BNC2: variants seen among roughly 807,000 people sequenced by gnomAD.
BNC2 encodes the protein basonuclin zinc finger protein 2.
BNC2 carries 20 observed loss-of-function variants against 76.3 expected under a neutral mutation model. That is an observed-to-expected ratio of 0.26 (90% CI 0.18 to 0.38). BNC2 has a LOEUF of 0.38. BNC2 is among the 10% of genes least tolerant of loss of function. The pLI is 1.00. For missense variants in BNC2, 1,382 were observed against 1,399.8 expected (o/e 0.99, Z 0.20); for synonymous variants, 582 against 514.8 (o/e 1.13, Z -1.77).
intron 3 of BNC2, among the ~76,000 whole-genome samples, chr9:16,665,488 A>AAGAG (rs754680621): frequency 1.7e-3 from 224 of 135,604 alleles, no homozygotes; most frequent in African/African-American, 4.1e-3. Flanking sequence ...GAAAGAAAGA[A>AAGAG]AGAGAGAGAG....
intron 1 of BNC2, among the ~76,000 whole-genome samples, chr9:16,741,712 C>T (rs1175442570): frequency 1.3e-5 from 2 of 152,148 alleles, no homozygotes; most frequent in South Asian, 2.1e-4. Context: ...AATCCCAACA[C>T]TTTGGGAGGA....
At chr9:16,525,807 T>G (rs538929418) in intron 5 of BNC2, among the ~76,000 whole-genome samples, 1 of 152,202 alleles carries the variant, frequency 6.6e-6, no homozygotes, top group Admixed American at 6.5e-5. Context: ...GAAAGATATG[T>G]TGTGTTTTAC....
chr9:16,506,209 A>G (rs1370313063), intron 5 of BNC2, among the ~76,000 whole-genome samples: 1 of 152,202 alleles, frequency 6.6e-6, no homozygotes, highest in Non-Finnish European at 1.5e-5. Flanking sequence ...CAAACTTTTT[A>G]CAGGCATAAC....
At chr9:16,468,307 A>T (rs7862481) in intron 5 of BNC2, among the ~76,000 whole-genome samples, 78,160 of 151,966 alleles carry the variant, frequency 0.51, 22,125 homozygotes, top group African/African-American at 0.75. Context: ...TCGCTACTAG[A>T]GTTACAATAA....
At chr9:16,499,899 C>G (rs980565895) in intron 5 of BNC2, among the ~76,000 whole-genome samples, 1 of 152,026 alleles carries the variant, frequency 6.6e-6, no homozygotes, top group Admixed American at 6.6e-5. Flanking sequence ...AATCTTCATT[C>G]TAACTACTCA....
intron 1 of BNC2, among the ~76,000 whole-genome samples, chr9:16,811,521 C>T (rs998327958): frequency 1.2e-4 from 16 of 131,370 alleles, no homozygotes; most frequent in African/African-American, 4.6e-4. Flanking sequence ...CATTGCACTC[C>T]AGCCTGGGCA....
chr9:16,833,701 C>T (rs1818636172), intron 1 of BNC2, among the ~76,000 whole-genome samples: 1 of 152,138 alleles, frequency 6.6e-6, no homozygotes, highest in Admixed American at 6.5e-5. Context: ...TCCCTGACTC[C>T]AGAAGGAAGA....
chr9:16,638,089 T>C (rs955227595), intron 3 of BNC2, among the ~76,000 whole-genome samples: 3 of 152,182 alleles, frequency 2.0e-5, no homozygotes, highest in Admixed American at 6.5e-5. Flanking sequence ...CAAGCTAAAT[T>C]TCTGGGAACT....
intron 1 of BNC2, among the ~76,000 whole-genome samples, chr9:16,813,520 C>T (rs1187250868): frequency 1.3e-5 from 2 of 152,076 alleles, no homozygotes; most frequent in African/African-American, 4.8e-5. Context: ...CCACCTCAGC[C>T]TCCCAAAGTG....
chr9:16,547,841 C>T, intron 5 of BNC2, among the ~76,000 whole-genome samples: 1 of 152,114 alleles, frequency 6.6e-6, no homozygotes, highest in East Asian at 1.9e-4. Context: ...AAGCTACTTC[C>T]CTACTCTTAC....
At chr9:16,608,916 T>C (rs890552835) in intron 3 of BNC2, among the ~76,000 whole-genome samples, 1 of 152,232 alleles carries the variant, frequency 6.6e-6, no homozygotes. Flanking sequence ...TAGGTTTCCA[T>C]ATTTTATAAT....
At chr9:16,510,835 G>A (rs1822737679) in intron 5 of BNC2, among the ~76,000 whole-genome samples, 2 of 152,196 alleles carry the variant, frequency 1.3e-5, no homozygotes, top group African/African-American at 2.4e-5. Flanking sequence ...AAATTTAACT[G>A]AGCTAGCTGG....
At chr9:16,831,091 G>A (rs576628434) in intron 1 of BNC2, among the ~76,000 whole-genome samples, 65 of 152,280 alleles carry the variant, frequency 4.3e-4, no homozygotes, top group Middle Eastern at 3.4e-3. Context: ...AACAATCAGT[G>A]TCAAGGTCCA....
intron 3 of BNC2, among the ~76,000 whole-genome samples, chr9:16,586,800 T>C (rs541965536): frequency 2.0e-4 from 31 of 152,264 alleles, no homozygotes; most frequent in Non-Finnish European, 2.8e-4. Flanking sequence ...AAGGACTTGA[T>C]AGTTTGGGGT....
chr9:16,612,717 G>A (rs992299381), intron 3 of BNC2, among the ~76,000 whole-genome samples: 1 of 152,142 alleles, frequency 6.6e-6, no homozygotes, highest in Non-Finnish European at 1.5e-5. Flanking sequence ...TGATCAATGT[G>A]ACAAGACAGG....
intron 1 of BNC2, among the ~76,000 whole-genome samples, chr9:16,740,555 A>T (rs1239771149): frequency 6.6e-6 from 1 of 152,234 alleles, no homozygotes; most frequent in Admixed American, 6.5e-5. Flanking sequence ...TTAAGAAGTA[A>T]GCAAATTGTG....
chr9:16,619,915 G>A (rs768951604), intron 3 of BNC2, among the ~76,000 whole-genome samples: 17 of 152,224 alleles, frequency 1.1e-4, no homozygotes, highest in African/African-American at 3.6e-4. Flanking sequence ...GCCTCCCAAC[G>A]GTAGAATCAA....
chr9:16,824,143 G>C (rs1818401002), intron 1 of BNC2, among the ~76,000 whole-genome samples: 1 of 152,104 alleles, frequency 6.6e-6, no homozygotes, highest in Non-Finnish European at 1.5e-5. Flanking sequence ...CATAAAAATA[G>C]GCTGTGACCG....
At chr9:16,499,287 T>C (rs1310948955) in intron 5 of BNC2, among the ~76,000 whole-genome samples, 1 of 152,120 alleles carries the variant, frequency 6.6e-6, no homozygotes, top group East Asian at 1.9e-4. Flanking sequence ...TTTTTTGAGG[T>C]CAATGTGGAG....
Sources: allele counts gnomAD v4.1 joint callset (sites outside exome capture counted in the v4.1 genomes callset), GRCh38; gene constraint gnomAD v4.1.1; transcripts MANE v1.5; gene names NCBI Gene and HGNC (gene_info 2026-07-23, HGNC 2026-07-21).